CACNA2D1: variants seen among roughly 807,000 people sequenced by gnomAD.
The protein encoded by CACNA2D1 is calcium voltage-gated channel auxiliary subunit alpha2delta 1.
A neutral mutation model predicts 171.5 loss-of-function variants in CACNA2D1; 53 were observed. The ratio of observed to expected loss-of-function variants is 0.31; its 90% CI spans 0.25 to 0.39. The LOEUF (loss-of-function observed/expected upper bound fraction) is 0.39, where lower values mean the gene tolerates loss of function less well. Among genes scored for constraint, CACNA2D1 ranks in the 10% least tolerant of loss-of-function variants. The pLI is 1.00. For synonymous variants in CACNA2D1, 442 were observed against 443.1 expected, an observed-to-expected ratio of 1.00 and a Z score of 0.03; for missense variants, 903 against 1,299.8, an observed-to-expected ratio of 0.69 and a Z score of 4.69.
intron 3 of CACNA2D1, among the ~76,000 whole-genome samples, chr7:82,306,253 C>T (rs1813714928): frequency 6.6e-6 from 1 of 152,068 alleles, no homozygotes; most frequent in African/African-American, 2.4e-5. Context: ...GGGGTCATGT[C>T]TGGTAGCCAG....
intron 15 of CACNA2D1, 83 bp downstream of exon 15, chr7:82,012,071 C>A: frequency 1.1e-6 from 1 of 886,808 alleles, no homozygotes. Context: ...AAAAGGAAAA[C>A]AGAGACATCA....
At chr7:82,236,024 C>A (rs926202006) in intron 3 of CACNA2D1, among the ~76,000 whole-genome samples, 2 of 152,026 alleles carry the variant, frequency 1.3e-5, no homozygotes, top group Non-Finnish European at 2.9e-5. Flanking sequence ...AGCCTATTAA[C>A]CCTCCCCATA....
At chr7:82,320,893 T>C (rs1262201140) in intron 3 of CACNA2D1, among the ~76,000 whole-genome samples, 1 of 152,074 alleles carries the variant, frequency 6.6e-6, no homozygotes, top group African/African-American at 2.4e-5. Context: ...TTGAATACTA[T>C]AAAATTAGTA....
At chr7:82,119,074 A>C (rs1789413859) in intron 5 of CACNA2D1, among the ~76,000 whole-genome samples, 1 of 152,124 alleles carries the variant, frequency 6.6e-6, no homozygotes, top group Non-Finnish European at 1.5e-5. Context: ...ACTTTTATGA[A>C]AAAGGCTACT....
intron 3 of CACNA2D1, among the ~76,000 whole-genome samples, chr7:82,214,347 T>C (rs942972310): frequency 3.9e-5 from 6 of 152,176 alleles, no homozygotes; most frequent in African/African-American, 1.4e-4. Flanking sequence ...AATTCAATAG[T>C]TAAGATGCCT....
At chr7:82,058,535 C>T (rs1806221739) in intron 10 of CACNA2D1, among the ~76,000 whole-genome samples, 1 of 152,164 alleles carries the variant, frequency 6.6e-6, no homozygotes, top group Non-Finnish European at 1.5e-5. Flanking sequence ...TCAAGTATTA[C>T]ATTCTACTTG....
intron 6 of CACNA2D1, among the ~76,000 whole-genome samples, chr7:82,087,160 A>G (rs1449922868): frequency 2.6e-5 from 4 of 152,136 alleles, no homozygotes. Flanking sequence ...TATAAATTTG[A>G]TATACCCAAT....
intron 4 of CACNA2D1, among the ~76,000 whole-genome samples, chr7:82,169,414 G>A (rs886138011): frequency 6.8e-6 from 1 of 146,314 alleles, no homozygotes; most frequent in Admixed American, 6.8e-5. Context: ...ACTGGCAGTT[G>A]TCAAATAGAG....
At chr7:82,186,066 G>A (rs1057288117) in intron 3 of CACNA2D1, among the ~76,000 whole-genome samples, 11 of 151,922 alleles carry the variant, frequency 7.2e-5, no homozygotes, top group African/African-American at 2.4e-4. Flanking sequence ...TGAGGCAGGA[G>A]AATTGCTTGA....
At chr7:82,122,455 T>C (rs994649815) in intron 5 of CACNA2D1, among the ~76,000 whole-genome samples, 2 of 152,216 alleles carry the variant, frequency 1.3e-5, no homozygotes, top group Non-Finnish European at 2.9e-5. Context: ...TGAATGCCCA[T>C]GAATTGCCTA....
intron 3 of CACNA2D1, among the ~76,000 whole-genome samples, chr7:82,185,927 C>G (rs923209077): frequency 1.3e-5 from 2 of 151,946 alleles, no homozygotes; most frequent in Non-Finnish European, 2.9e-5. Context: ...GAGGCCTAGG[C>G]AGGCGGATCA....
chr7:82,070,934 C>T (rs1808245875), intron 7 of CACNA2D1, among the ~76,000 whole-genome samples: 1 of 152,056 alleles, frequency 6.6e-6, no homozygotes. Flanking sequence ...TGAGGATAAG[C>T]TAAATTTAGA....
At chr7:82,224,314 G>A (rs1004257182) in intron 3 of CACNA2D1, among the ~76,000 whole-genome samples, 3 of 152,148 alleles carry the variant, frequency 2.0e-5, no homozygotes, top group African/African-American at 4.8e-5. Context: ...TTGGCCGGGC[G>A]CAGTGGCTCA....
chr7:82,142,815 TA>T (rs1792551397), intron 4 of CACNA2D1, among the ~76,000 whole-genome samples: 1 of 152,152 alleles, frequency 6.6e-6, no homozygotes, highest in Non-Finnish European at 1.5e-5. Flanking sequence ...TACTCTTCAT[TA>T]AAAATAAGTT....
intron 3 of CACNA2D1, among the ~76,000 whole-genome samples, chr7:82,214,805 C>CA (rs1191471738): frequency 6.6e-6 from 1 of 151,850 alleles, no homozygotes; most frequent in Non-Finnish European, 1.5e-5. Flanking sequence ...GTCTTGTGAC[C>CA]AAAAATAATT....
chr7:82,270,697 T>C (rs1405693126), intron 3 of CACNA2D1, among the ~76,000 whole-genome samples: 1 of 152,134 alleles, frequency 6.6e-6, no homozygotes, highest in Non-Finnish European at 1.5e-5. Context: ...TTTCTCCATA[T>C]GCTAGCTCCT....
At chr7:82,080,945 C>G (rs1451304141) in intron 7 of CACNA2D1, among the ~76,000 whole-genome samples, 1 of 152,184 alleles carries the variant, frequency 6.6e-6, no homozygotes, top group Non-Finnish European at 1.5e-5. Context: ...TTTCAAAGTA[C>G]TTTTCATCAT....
At chr7:82,140,860 C>G (rs1474162564) in intron 4 of CACNA2D1, among the ~76,000 whole-genome samples, 1 of 146,936 alleles carries the variant, frequency 6.8e-6, no homozygotes. Flanking sequence ...GAGGCTGAGA[C>G]AGGAGAATGG....
Position 81,971,773 on chromosome 7 carries a change from T to G in CACNA2D1, c.2141+4A>C, listed in dbSNP as rs1279555127. ...TATTTTTATTAATAAGAACAAATAC[T>G]TACATATTTTTCTGCTTACTCCAGT... On this transcript the variant is annotated splice_donor_region_variant and intron_variant, in intron 26 of 38. Coordinates refer to ENST00000356860, the MANE Select transcript of CACNA2D1 (RefSeq NM_000722.4). 6.7e-7 allele frequency: 1 copy of G among 1,496,692 alleles called. No homozygotes were observed. The highest frequency in any genetic ancestry group is 1.7e-5 in the Admixed American group (1 of 59,584). 92.7% of individuals were successfully genotyped at this position (1,496,692 alleles called of 1,614,324 possible).
Sources: gnomAD v4.1 joint callset for allele counts (sites outside exome capture counted in the v4.1 genomes callset) on GRCh38, gnomAD v4.1.1 for gene constraint, MANE v1.5 for transcripts, NCBI Gene and HGNC (gene_info 2026-07-23, HGNC 2026-07-21) for gene names.